Variants in NT5DC3 observed in about 807,000 individuals in gnomAD.
NT5DC3 encodes the protein 5'-nucleotidase domain-containing protein 3.
In NT5DC3, 42 loss-of-function variants were observed where a neutral mutation model predicts 67.8. The observed-to-expected ratio is 0.62, with a 90% CI of 0.48 to 0.80. NT5DC3 has a LOEUF of 0.80. Among genes scored for constraint, NT5DC3 ranks in the 30% least tolerant of loss-of-function variants. NT5DC3 has a pLI of 0.00. For synonymous variants in NT5DC3, 237 were observed against 255.6 expected, an observed-to-expected ratio of 0.93 and a Z score of 0.69; for missense variants, 570 against 696.4, an observed-to-expected ratio of 0.82 and a Z score of 2.04.
the NT5DC3 span, among the ~76,000 whole-genome samples, chr12:103,754,457 A>C: frequency 6.6e-6 from 1 of 152,060 alleles, no homozygotes; most frequent in Non-Finnish European, 1.5e-5. Flanking sequence ...AAACGTTCCC[A>C]CCTCATAGGG....
At chr12:103,825,213 TCTGA>T (rs1192646249) in intron 1 of NT5DC3, among the ~76,000 whole-genome samples, 4 of 152,240 alleles carry the variant, frequency 2.6e-5, no homozygotes, top group African/African-American at 4.8e-5. Context: ...CAATTACTCA[TCTGA>T]CTAACTAATA....
intron 1 of NT5DC3, among the ~76,000 whole-genome samples, chr12:103,823,302 T>C (rs1291989730): frequency 6.6e-6 from 1 of 151,894 alleles, no homozygotes; most frequent in South Asian, 2.1e-4. Context: ...ATCTCCCCAG[T>C]GCTCAGTCAA....
At chr12:103,749,708 C>T in the NT5DC3 span, among the ~76,000 whole-genome samples, 23 of 150,320 alleles carry the variant, frequency 1.5e-4, no homozygotes, top group South Asian at 4.2e-4. Context: ...GGCATGGTGG[C>T]GGGCACCTGT....
chr12:103,825,207 T>G (rs1887641908), intron 1 of NT5DC3, among the ~76,000 whole-genome samples: 1 of 152,222 alleles, frequency 6.6e-6, no homozygotes, highest in Non-Finnish European at 1.5e-5. Flanking sequence ...CAAATACAAT[T>G]ACTCATCTGA....
At position 103,815,110 on chromosome 12, in the gene NT5DC3, A is replaced by T. The variant is rs1304876938; in HGVS notation, c.220T>A (p.Ser74Thr). The change falls in exon 2 of 14, where the codon TCC (serine) becomes ACC (threonine). Residue 74 changes from serine to threonine, a missense_variant. Ser to Thr is a moderately conservative substitution (Grantham distance 58). Around this residue, in one of 2 missense-constraint regions of NT5DC3, gnomAD observed 466 missense variants for 608.0 expected, o/e 0.77. Transcript: ENST00000392876. ...GGATTCAACAAGTTGCTCATAATGG[A>T]AGGAACCAATTCTGGAAATAAAGAA... ...AKRSTEELVPSIMSNLLNPDA... is the reference protein window; with the variant it reads ...AKRSTEELVPTIMSNLLNPDA... 3.7e-6 allele frequency: 6 copies of T among 1,609,400 alleles called. No homozygotes were observed. Among genetic ancestry groups the T allele is most frequent in the Middle Eastern group, 1.6e-4 (1 of 6,066 alleles).
At chr12:103,794,240 C>CCTGGGTT (rs1369773238) in intron 6 of NT5DC3, among the ~76,000 whole-genome samples, 1 of 151,860 alleles carries the variant, frequency 6.6e-6, no homozygotes, top group Non-Finnish European at 1.5e-5. Flanking sequence ...GCCTCTGCCT[C>CCTGGGTT]CTGGGTTCAA....
chr12:103,812,342 A>G (rs1887068102), intron 2 of NT5DC3, among the ~76,000 whole-genome samples: 1 of 152,234 alleles, frequency 6.6e-6, no homozygotes, highest in Non-Finnish European at 1.5e-5. Context: ...ATCAGAAGAG[A>G]AAAATTTGCG....
intron 1 of NT5DC3, among the ~76,000 whole-genome samples, chr12:103,822,750 A>T (rs2139444382): frequency 6.6e-6 from 1 of 152,348 alleles, no homozygotes; most frequent in Middle Eastern, 3.4e-3. Flanking sequence ...AGCTTTCTAG[A>T]AAACAGCTTG....
At chr12:103,840,377 GCTCATCTCATCTCAT>G (rs10552367) in intron 1 of NT5DC3, among the ~76,000 whole-genome samples, 5,515 of 115,356 alleles carry the variant, frequency 0.048, 273 homozygotes, top group African/African-American at 0.13. Context: ...ACACCGCACA[GCTCATCTCATCTCAT>G]CTCATCTCAT....
Position 103,788,819 on chromosome 12 carries a change from T to C in NT5DC3, c.1101+19A>G. ...CCACAAAGCAAAGCAACAAAAAGGA[T>C]CAGCTGGTCATGAGATACCTGCTTG... On this transcript the variant is annotated intron_variant, in intron 10 of 13. Coordinates refer to ENST00000392876, the MANE Select transcript of NT5DC3 (RefSeq NM_001031701.3). 1 of 1,540,514 alleles carries C rather than the reference T, an allele frequency of 6.5e-7. No homozygotes were observed. Among genetic ancestry groups the C allele is most frequent in the Non-Finnish European group, 9.0e-7 (1 of 1,112,826 alleles).
At chr12:103,812,277 T>A (rs1887065563) in intron 2 of NT5DC3, among the ~76,000 whole-genome samples, 1 of 152,226 alleles carries the variant, frequency 6.6e-6, no homozygotes, top group African/African-American at 2.4e-5. Flanking sequence ...TGCATCGGTC[T>A]TGGCTGCAAA....
At chr12:103,801,372 CTTTTTTTTTTTTTT>C (rs869237844) in intron 4 of NT5DC3, among the ~76,000 whole-genome samples, 9 of 78,946 alleles carry the variant, frequency 1.1e-4, no homozygotes, top group African/African-American at 3.8e-4. Context: ...TTGGGGTGGG[CTTTTTTTTTTTTTT>C]TTTTTTTTTT....
chr12:103,786,884 C>T (rs903319322), intron 11 of NT5DC3, among the ~76,000 whole-genome samples: 8 of 151,970 alleles, frequency 5.3e-5, no homozygotes, highest in African/African-American at 1.4e-4. Context: ...GGTTTCACAA[C>T]GCTGCCCAGG....
At chr12:103,762,429 G>C in the NT5DC3 span, 4 of 1,614,008 alleles carry the variant, frequency 2.5e-6, no homozygotes, top group African/African-American at 1.3e-5. Flanking sequence ...GGAACATGAT[G>C]ATGGGGTCCT....
chr12:103,768,511 AGATGGAGAGAT>A, downstream of NT5DC3, among the ~76,000 whole-genome samples: 1 of 42,522 alleles, frequency 2.4e-5, no homozygotes, highest in Non-Finnish European at 4.6e-5. Flanking sequence ...GGGGAGGGAA[AGATGGAGAGAT>A]GGGAGAGAGA....
In NT5DC3 at chr12:103,810,015, CA is replaced by C. The variant is rs1848798039; in HGVS notation, c.394-3087del. Among the ~76,000 whole-genome samples, 10 of 152,114 alleles carry C rather than the reference CA, an allele frequency of 6.6e-5. No homozygotes were observed. The South Asian group carries it at 2.1e-3, about 32-fold the overall frequency. ...CAAGAATCCTATCCTTTTGGAATTG[CA>C]AAGGATTCAGCCCAAAAATGCGTGT... On this transcript the variant is annotated intron_variant, in intron 2 of 13. Coordinates refer to ENST00000392876, the MANE Select transcript of NT5DC3 (RefSeq NM_001031701.3).
At chr12:103,761,150 A>G in the NT5DC3 span, 1 of 667,316 alleles carries the variant, frequency 1.5e-6, no homozygotes, top group South Asian at 1.8e-5. Context: ...TGGGCTGTCC[A>G]GAGGGTGAGG....
At chr12:103,828,695 TC>T (rs1359992360) in intron 1 of NT5DC3, among the ~76,000 whole-genome samples, 75 of 131,288 alleles carry the variant, frequency 5.7e-4, no homozygotes, top group African/African-American at 2.0e-3. Flanking sequence ...ATTTTTTCTT[TC>T]TTTTTATTTT....
chr12:103,753,304 A>G, the NT5DC3 span: 22 of 1,614,264 alleles, frequency 1.4e-5, no homozygotes, highest in South Asian at 2.2e-4. Flanking sequence ...GCCTGTGCCA[A>G]CGAAGCTGCG....
Sources: allele counts gnomAD v4.1 joint callset (sites outside exome capture counted in the v4.1 genomes callset), GRCh38; gene constraint gnomAD v4.1.1; regional missense constraint gnomAD v4.1.1; transcripts MANE v1.5; gene names NCBI Gene and HGNC (gene_info 2026-07-23, HGNC 2026-07-21).